The following ZNF609 variants were observed in gnomAD, a reference collection of about 807,000 sequenced individuals.
ZNF609 encodes zinc finger protein 609.
Under a neutral mutation model 109.5 loss-of-function variants are expected in ZNF609, and 11 were observed. That is an observed-to-expected ratio of 0.10 (90% CI 0.06 to 0.17). ZNF609 has a LOEUF of 0.17. Ranked by LOEUF, ZNF609 falls within the 10% of genes least tolerant of loss-of-function variation. ZNF609 has a pLI of 1.00. For synonymous variants in ZNF609, 646 were observed against 662.0 expected (o/e 0.98, Z 0.37); for missense variants, 1,559 against 1,772.4 (o/e 0.88, Z 2.16).
chr15:64,543,283 A>G (rs899728254), intron 2 of ZNF609, among the ~76,000 whole-genome samples: 3 of 94,436 alleles, frequency 3.2e-5, no homozygotes, highest in Admixed American at 1.3e-4. Context: ...TTCTAATTTC[A>G]TCTACCATTC....
intron 2 of ZNF609, among the ~76,000 whole-genome samples, chr15:64,597,939 T>C (rs890877910): frequency 3.3e-5 from 5 of 152,208 alleles, no homozygotes; most frequent in African/African-American, 1.2e-4. Context: ...TCACTATGTA[T>C]ATAAATATTC....
At chr15:64,662,051 G>C (rs1399027288) in intron 3 of ZNF609, among the ~76,000 whole-genome samples, 1 of 152,104 alleles carries the variant, frequency 6.6e-6, no homozygotes, top group African/African-American at 2.4e-5. Context: ...TTGTTGACTG[G>C]GGCTGCCATC....
Position 64,675,321 on chromosome 15 carries a change from A to T in ZNF609, c.2467A>T (p.Thr823Ser), listed in dbSNP as rs201878773. ...LENTTPTQPL[T>S]PLHVVTQNGA... ...AAACACTACCCCTACTCAGCCCCTGACTCCCTTACATGTGGTGACCCAGAA... is the reference window on the plus strand; with the variant it reads ...AAACACTACCCCTACTCAGCCCCTGTCTCCCTTACATGTGGTGACCCAGAA... The change falls in exon 5 of 10, where the codon ACT (threonine) becomes TCT (serine). Residue 823 changes from threonine (T) to serine (S), a missense_variant. By Grantham distance (58) the Thr-to-Ser change is moderately conservative. This residue lies in a region of ZNF609 where 1,204 missense variants were observed against 1,314.1 expected (regional missense o/e 0.92). Transcript: ENST00000326648. The T allele has an allele frequency of 1.7e-5, 28 of 1,613,508 alleles. No individual in the cohort carries two copies. The East Asian group carries it at 6.2e-4, about 36-fold the overall frequency.
intron 1 of ZNF609, among the ~76,000 whole-genome samples, chr15:64,478,155 GGTGT>G (rs149241970): frequency 0.11 from 14,851 of 138,202 alleles, 739 homozygotes; most frequent in South Asian, 0.14. Context: ...TTAGAATAAA[GGTGT>G]GTGTGTGTGT....
intron 3 of ZNF609, chr15:64,631,207 G>C (rs1420336634): frequency 3.2e-6 from 2 of 625,968 alleles, no homozygotes; most frequent in Non-Finnish European, 3.0e-6. Flanking sequence ...TGCTGCTTCA[G>C]GTGAACCCAG....
At chr15:64,539,735 C>T (rs1894217330) in intron 2 of ZNF609, among the ~76,000 whole-genome samples, 1 of 152,182 alleles carries the variant, frequency 6.6e-6, no homozygotes, top group Non-Finnish European at 1.5e-5. Flanking sequence ...AACTCCTGAC[C>T]ATGTGCCTCA....
intron 2 of ZNF609, among the ~76,000 whole-genome samples, chr15:64,526,143 T>C (rs909852828): frequency 1.3e-5 from 2 of 151,586 alleles, no homozygotes; most frequent in African/African-American, 4.8e-5. Flanking sequence ...ATTTAGGGGT[T>C]GTACACCAAA....
chr15:64,522,971 TAAA>T (rs34889677), intron 2 of ZNF609, among the ~76,000 whole-genome samples: 35 of 146,330 alleles, frequency 2.4e-4, no homozygotes, highest in South Asian at 4.3e-4. Flanking sequence ...ACATTGTGGT[TAAA>T]AAAAAAAAAA....
intron 3 of ZNF609, among the ~76,000 whole-genome samples, chr15:64,653,198 G>A (rs1896442970): frequency 6.6e-6 from 1 of 152,096 alleles, no homozygotes; most frequent in Non-Finnish European, 1.5e-5. Context: ...CTTTTTACTG[G>A]TCTTTAAAGA....
At chr15:64,537,946 CA>C (rs764180970) in intron 2 of ZNF609, among the ~76,000 whole-genome samples, 5 of 147,676 alleles carry the variant, frequency 3.4e-5, no homozygotes, top group East Asian at 3.9e-4. Flanking sequence ...ACTAAAAATA[CA>C]AAAAAAAAAT....
At chr15:64,642,370 A>C (rs1404555249) in intron 3 of ZNF609, among the ~76,000 whole-genome samples, 1 of 151,782 alleles carries the variant, frequency 6.6e-6, no homozygotes, top group East Asian at 1.9e-4. Flanking sequence ...TCTTTTGTAG[A>C]GACTAGGTCT....
At chr15:64,506,131 G>A (rs1334673192) in intron 2 of ZNF609, among the ~76,000 whole-genome samples, 1 of 151,940 alleles carries the variant, frequency 6.6e-6, no homozygotes, top group Non-Finnish European at 1.5e-5. Flanking sequence ...GAGAGAAATA[G>A]CACCTACATA....
At chr15:64,634,296 A>G (rs1410296978) in intron 3 of ZNF609, among the ~76,000 whole-genome samples, 1 of 152,146 alleles carries the variant, frequency 6.6e-6, no homozygotes, top group East Asian at 1.9e-4. Context: ...TCTCATTATC[A>G]GAGTAATAGG....
intron 3 of ZNF609, among the ~76,000 whole-genome samples, chr15:64,669,319 T>C (rs1896693133): frequency 6.6e-6 from 1 of 152,234 alleles, no homozygotes; most frequent in Non-Finnish European, 1.5e-5. Flanking sequence ...AACCTAAATG[T>C]CCGTTCAAAT....
At chr15:64,576,522 A>G (rs75770393) in intron 2 of ZNF609, among the ~76,000 whole-genome samples, 1,971 of 152,182 alleles carry the variant, frequency 0.013, 33 homozygotes, top group African/African-American at 0.046. Context: ...AACTTGCAAT[A>G]TCTTTAAAAA....
chr15:64,615,345 G>C (rs564177467), intron 2 of ZNF609, among the ~76,000 whole-genome samples: 1 of 150,548 alleles, frequency 6.6e-6, no homozygotes, highest in East Asian at 2.0e-4. Context: ...ATCTCTCTAT[G>C]TTGCCCAGGC....
At chr15:64,549,537 A>C (rs147424526) in intron 2 of ZNF609, among the ~76,000 whole-genome samples, 1 of 152,172 alleles carries the variant, frequency 6.6e-6, no homozygotes, top group Non-Finnish European at 1.5e-5. Flanking sequence ...TGTAGGTACT[A>C]TTAATATCAT....
chr15:64,560,687 G>C (rs763055812), intron 2 of ZNF609, among the ~76,000 whole-genome samples: 1 of 152,150 alleles, frequency 6.6e-6, no homozygotes, highest in Admixed American at 6.5e-5. Flanking sequence ...GGAGTAAATA[G>C]ATGATAATTA....
chr15:64,614,700 C>T (rs1329835898), intron 2 of ZNF609, among the ~76,000 whole-genome samples: 1 of 150,798 alleles, frequency 6.6e-6, no homozygotes, highest in Non-Finnish European at 1.5e-5. Flanking sequence ...AGTGAGTATT[C>T]ATTTTAATCC....
Sources: gnomAD v4.1 joint callset for allele counts (sites outside exome capture counted in the v4.1 genomes callset) on GRCh38, gnomAD v4.1.1 for gene constraint, gnomAD v4.1.1 regional missense constraint, MANE v1.5 for transcripts, NCBI Gene and HGNC (gene_info 2026-07-23, HGNC 2026-07-21) for gene names.